The following GABRG3 variants were observed in gnomAD, a reference collection of about 807,000 sequenced individuals.
GABRG3 encodes the protein gamma-aminobutyric acid type A receptor subunit gamma3.
GABRG3 carries 25 observed loss-of-function variants against 48.8 expected under a neutral mutation model. The observed-to-expected ratio is 0.51, with a 90% CI of 0.37 to 0.72. The LOEUF (loss-of-function observed/expected upper bound fraction) is 0.72, where lower values mean the gene tolerates loss of function less well. Ranked by LOEUF, GABRG3 falls within the 30% of genes least tolerant of loss-of-function variation. The pLI is 0.00. For missense variants in GABRG3, 394 were observed against 577.9 expected, an observed-to-expected ratio of 0.68 and a Z score of 3.26; for synonymous variants, 227 against 217.6, an observed-to-expected ratio of 1.04 and a Z score of -0.38.
At chr15:27,024,926 TGAGTCAG>T (rs1345841993) in intron 2 of GABRG3, among the ~76,000 whole-genome samples, 1 of 148,550 alleles carries the variant, frequency 6.7e-6, no homozygotes, top group Non-Finnish European at 1.5e-5. Flanking sequence ...TTTGGGAGGC[TGAGTCAG>T]GAGAATCGCT....
At chr15:27,118,916 G>A (rs377298149) in intron 3 of GABRG3, among the ~76,000 whole-genome samples, 135 of 152,286 alleles carry the variant, frequency 8.9e-4, no homozygotes, top group African/African-American at 3.2e-3. Context: ...GAGGGGATCA[G>A]TACACACTGC....
At chr15:27,343,360 TG>T (rs1367984845) in intron 5 of GABRG3, among the ~76,000 whole-genome samples, 1 of 152,256 alleles carries the variant, frequency 6.6e-6, no homozygotes, top group African/African-American at 2.4e-5. Context: ...ATGAGAAATC[TG>T]GAAGTGAAAT....
chr15:27,345,859 GC>G (rs759657390), intron 5 of GABRG3, among the ~76,000 whole-genome samples: 28 of 152,134 alleles, frequency 1.8e-4, no homozygotes, highest in Admixed American at 6.5e-4. Context: ...TTCAAGACCA[GC>G]CTGGCCAATG....
intron 5 of GABRG3, among the ~76,000 whole-genome samples, chr15:27,396,867 G>A (rs1320068547): frequency 6.6e-6 from 1 of 152,096 alleles, no homozygotes; most frequent in South Asian, 2.1e-4. Context: ...ACTACATATT[G>A]TATGATTTTA....
chr15:27,025,815 G>A (rs559426718), intron 2 of GABRG3, among the ~76,000 whole-genome samples: 2 of 152,298 alleles, frequency 1.3e-5, no homozygotes, highest in East Asian at 3.9e-4. Context: ...CTGTTTCATG[G>A]GGAAAGGTTC....
intron 3 of GABRG3, among the ~76,000 whole-genome samples, chr15:27,068,290 C>T (rs999087493): frequency 1.3e-5 from 2 of 152,242 alleles, no homozygotes; most frequent in Non-Finnish European, 1.5e-5. Context: ...GGGAGATGCT[C>T]GCACTGCAGG....
At chr15:27,012,435 G>C (rs1435943452) in intron 2 of GABRG3, among the ~76,000 whole-genome samples, 1 of 152,154 alleles carries the variant, frequency 6.6e-6, no homozygotes, top group Non-Finnish European at 1.5e-5. Context: ...GCTCAGATCT[G>C]TGATTTGATG....
intron 2 of GABRG3, among the ~76,000 whole-genome samples, chr15:27,005,625 T>C (rs1895569783): frequency 6.6e-6 from 1 of 152,186 alleles, no homozygotes; most frequent in Non-Finnish European, 1.5e-5. Flanking sequence ...AATTTCACTC[T>C]TTTAATTTTG....
chr15:27,525,883 C>T (rs1891264823), intron 7 of GABRG3, among the ~76,000 whole-genome samples: 4 of 152,024 alleles, frequency 2.6e-5, no homozygotes, highest in Admixed American at 2.0e-4. Context: ...TTGATAGGTG[C>T]AGCAAACCAC....
Position 27,425,552 on chromosome 15 carries a change from A to G in GABRG3, c.575-55098A>G, listed in dbSNP as rs755224262. Among the ~76,000 whole-genome samples the G allele has an allele frequency of 3.9e-4, 59 of 152,018 alleles. 1 individual carries two copies. Among genetic ancestry groups the G allele is most frequent in the Non-Finnish European group, 7.5e-4 (51 of 68,026 alleles). On this transcript the variant is annotated intron_variant, in intron 5 of 9. Coordinates refer to ENST00000615808, the MANE Select transcript of GABRG3 (RefSeq NM_033223.5). ...TGTCAACCCTGGAGGCAGAGCTTGC[A>G]GTGAGCTGAGATCACACCACTGCAC...
intron 2 of GABRG3, among the ~76,000 whole-genome samples, chr15:26,990,588 G>A (rs1008245920): frequency 1.3e-5 from 2 of 151,890 alleles, no homozygotes; most frequent in African/African-American, 4.8e-5. Flanking sequence ...TCTTTACTTT[G>A]TTCTTTGTTG....
chr15:27,302,516 A>C (rs1001193292), intron 3 of GABRG3, among the ~76,000 whole-genome samples: 3 of 152,090 alleles, frequency 2.0e-5, no homozygotes, highest in African/African-American at 7.2e-5. Context: ...CTGAAAACAG[A>C]AATAGATATA....
chr15:27,285,104 T>C (rs13380002), intron 3 of GABRG3, among the ~76,000 whole-genome samples: 8,574 of 152,178 alleles, frequency 0.056, 477 homozygotes, highest in African/African-American at 0.14. Flanking sequence ...TTGTGATGGG[T>C]GTATCTCAGA....
rs572407216 is a variant in GABRG3 at position 27,382,335 on chromosome 15, G to A, written c.574+53447G>A. On this transcript the variant is annotated intron_variant, in intron 5 of 9. Transcript: ENST00000615808. ...ACAAGAGGTAGGGAGAAAAATTTAC[G>A]GAATATATATTGAGATGTCAGTGAA... Among the ~76,000 whole-genome samples, 10 of 152,234 alleles carry A rather than the reference G, an allele frequency of 6.6e-5. No individual in the cohort carries two copies. The East Asian group carries it at 7.7e-4, about 12-fold the overall frequency.
rs538479877 is a variant in GABRG3, at chr15:27,281,415, A to AGAAAAATT, written c.271-45389_271-45382dup. 5.7e-3 allele frequency among the ~76,000 whole-genome samples: 859 copies of AGAAAAATT among 151,820 alleles called. 4 individuals carry two copies. The highest frequency in any genetic ancestry group is 9.5e-3 in the Non-Finnish European group (642 of 67,880). On this transcript the variant is annotated intron_variant, in intron 3 of 9. Coordinates refer to ENST00000615808, the MANE Select transcript of GABRG3 (RefSeq NM_033223.5). Reference sequence around the variant, plus strand: ...CTTTTCAGGACAATTTTAGATATACAGAAAAATTGAAAGGATAGCATCTCT... The same window carrying AGAAAAATT: ...CTTTTCAGGACAATTTTAGATATACAGAAAAATTGAAAAATTGAAAGGATAGCATCTCT...
intron 5 of GABRG3, among the ~76,000 whole-genome samples, chr15:27,409,319 A>G (rs140633306): frequency 6.6e-6 from 1 of 152,112 alleles, no homozygotes; most frequent in African/African-American, 2.4e-5. Flanking sequence ...ATGAATGTCC[A>G]ATTTTTCAAG....
chr15:27,074,288 C>T (rs1896873874), intron 3 of GABRG3, among the ~76,000 whole-genome samples: 1 of 151,984 alleles, frequency 6.6e-6, no homozygotes, highest in African/African-American at 2.4e-5. Flanking sequence ...TGAGTGTTGA[C>T]CAGAGACTAC....
chr15:27,358,903 G>A lies in GABRG3; in HGVS notation c.574+30015G>A, dbSNP rs577265736. Among the ~76,000 whole-genome samples the A allele has an allele frequency of 8.5e-5, 13 of 152,298 alleles. No homozygotes were observed. In the East Asian group the frequency reaches 2.5e-3, roughly 30 times the overall value. ...AGCTCCGTGCAATGCCCGCTCAGTG[G>A]GCCCCGGCAGTGCAGAGGGCGCTTC... On this transcript the variant is annotated intron_variant, in intron 5 of 9. Coordinates refer to ENST00000615808, the MANE Select transcript of GABRG3 (RefSeq NM_033223.5).
chr15:27,063,336 G>T (rs567831794), intron 3 of GABRG3, among the ~76,000 whole-genome samples: 1 of 152,340 alleles, frequency 6.6e-6, no homozygotes, highest in African/African-American at 2.4e-5. Flanking sequence ...TTGGATGTTT[G>T]TCCCCTCCAG....
Sources: gnomAD v4.1 joint callset for allele counts (sites outside exome capture counted in the v4.1 genomes callset) on GRCh38, gnomAD v4.1.1 for gene constraint, MANE v1.5 for transcripts, NCBI Gene and HGNC (gene_info 2026-07-23, HGNC 2026-07-21) for gene names.